SNX29: variants seen among roughly 807,000 people sequenced by gnomAD.
SNX29 encodes the protein sorting nexin 29.
Under a neutral mutation model 102.1 loss-of-function variants are expected in SNX29, and 78 were observed. The observed-to-expected ratio is 0.76, with a 90% confidence interval of 0.64 to 0.92. The LOEUF (loss-of-function observed/expected upper bound fraction) is 0.92. SNX29 is among the 40% of genes least tolerant of loss of function. SNX29 has a pLI of 0.00. For missense variants in SNX29, 1,280 were observed against 1,061.7 expected (o/e 1.21, Z -2.86); for synonymous variants, 580 against 414.5 (o/e 1.40, Z -4.85).
Position 12,572,214 on chromosome 16 carries a change from C to G in SNX29, c.*3585C>G. On this transcript the variant is annotated 3_prime_UTR_variant, in exon 21 of 21. Transcript: ENST00000566228. ...GCAGGTAGTATTGTGCTTTAAAAAC[C>G]AGAGGCTCCTGAAAGTCGTTTACAC... is the stretch of plus-strand genomic sequence containing the variant. 1.0e-6 allele frequency: 1 copy of G among 997,392 alleles called. No individual in the cohort carries two copies. Among genetic ancestry groups the G allele is most frequent in the Non-Finnish European group, 1.2e-6 (1 of 818,108 alleles). 61.8% of individuals were successfully genotyped at this position (997,392 alleles called of 1,614,324 possible).
At chr16:12,543,030 A>G (rs912692492) in intron 20 of SNX29, among the ~76,000 whole-genome samples, 2 of 152,204 alleles carry the variant, frequency 1.3e-5, no homozygotes, top group African/African-American at 4.8e-5. Flanking sequence ...GGCTGGATCC[A>G]GAGGCTCAAA....
intron 20 of SNX29, among the ~76,000 whole-genome samples, chr16:12,565,739 C>A (rs188010171): frequency 0.012 from 1,814 of 152,078 alleles, 152 homozygotes; most frequent in Admixed American, 0.1. Context: ...AGTCCACCCC[C>A]TCCCCATGGG....
chr16:12,040,889 C>T (rs933233626), intron 4 of SNX29, among the ~76,000 whole-genome samples: 1 of 152,224 alleles, frequency 6.6e-6, no homozygotes, highest in Non-Finnish European at 1.5e-5. Flanking sequence ...TCTCGGCTCT[C>T]TGCAACCTCC....
At chr16:12,064,819 G>C (rs928049354) in intron 9 of SNX29, among the ~76,000 whole-genome samples, 1 of 152,234 alleles carries the variant, frequency 6.6e-6, no homozygotes, top group South Asian at 2.1e-4. Context: ...CTTTTGCTCT[G>C]TTTCTGCCTT....
intron 15 of SNX29, among the ~76,000 whole-genome samples, chr16:12,338,450 C>T (rs1308528396): frequency 1.3e-5 from 2 of 152,178 alleles, no homozygotes; most frequent in African/African-American, 4.8e-5. Flanking sequence ...GGAAGCTCAT[C>T]CCCTCTTAGG....
At chr16:12,043,860 C>T (rs2049984021) in intron 5 of SNX29, among the ~76,000 whole-genome samples, 1 of 152,262 alleles carries the variant, frequency 6.6e-6, no homozygotes, top group South Asian at 2.1e-4. Flanking sequence ...TCGAGCGATT[C>T]TCCTGCCTCA....
intron 15 of SNX29, among the ~76,000 whole-genome samples, chr16:12,345,082 T>C (rs781742663): frequency 6.6e-6 from 1 of 152,174 alleles, no homozygotes; most frequent in Non-Finnish European, 1.5e-5. Context: ...GCAGCAGAAA[T>C]AAGCCCTACA....
At chr16:12,344,380 C>A (rs1321429521) in intron 15 of SNX29, among the ~76,000 whole-genome samples, 1 of 152,144 alleles carries the variant, frequency 6.6e-6, no homozygotes, top group African/African-American at 2.4e-5. Flanking sequence ...GACTAAACCT[C>A]CGTGAGCCTC....
intron 19 of SNX29, among the ~76,000 whole-genome samples, chr16:12,483,858 C>T (rs113464881): frequency 2.0e-5 from 3 of 152,206 alleles, no homozygotes; most frequent in African/African-American, 4.8e-5. Context: ...AAGCTGCTGC[C>T]TGGAAGTGAT....
In SNX29 at chr16:12,327,123, C is replaced by G. The variant is rs3852674; in HGVS notation, c.1783-29040C>G. On this transcript the variant is annotated intron_variant, in intron 15 of 20. Transcript: ENST00000566228. The stretch of plus-strand genomic sequence containing the variant: ...TATCCTGTTGGACAACCTCTGTCTT[C>G]CCCCTGTAAGTCAATAAAACAGTCC... Among the ~76,000 whole-genome samples the G allele has an allele frequency of 2.7e-3, 416 of 152,244 alleles. 2 individuals carry two copies. Among genetic ancestry groups the G allele is most frequent in the Non-Finnish European group, 3.2e-3 (218 of 67,988 alleles).
intron 16 of SNX29, chr16:12,372,961 A>G (rs1054253052): frequency 1.3e-5 from 2 of 152,204 alleles, no homozygotes; most frequent in African/African-American, 4.8e-5. Flanking sequence ...CTGTGCATGT[A>G]GTAGCAAGCA....
intron 14 of SNX29, among the ~76,000 whole-genome samples, chr16:12,270,946 G>A (rs947273500): frequency 4.6e-5 from 7 of 152,182 alleles, no homozygotes; most frequent in Non-Finnish European, 7.3e-5. Context: ...AAGAGGCTGA[G>A]GCAGGAGAAT....
intron 14 of SNX29, among the ~76,000 whole-genome samples, chr16:12,204,200 C>A (rs897407334): frequency 6.6e-6 from 1 of 152,184 alleles, no homozygotes; most frequent in Non-Finnish European, 1.5e-5. Flanking sequence ...GCCCCTGAAT[C>A]CAGCTGTGCC....
chr16:12,557,112 G>A (rs2078417451), intron 20 of SNX29, among the ~76,000 whole-genome samples: 1 of 150,094 alleles, frequency 6.7e-6, no homozygotes, highest in Non-Finnish European at 1.5e-5. Context: ...ACCTCCGAAA[G>A]TGCTGAGATT....
chr16:12,040,429 G>T (rs1048735312), intron 4 of SNX29, among the ~76,000 whole-genome samples: 37 of 152,112 alleles, frequency 2.4e-4, no homozygotes, highest in African/African-American at 8.9e-4. Context: ...TGTACATGTG[G>T]ATAAAAAGTA....
intron 17 of SNX29, among the ~76,000 whole-genome samples, chr16:12,400,451 G>A (rs2083895672): frequency 6.6e-6 from 1 of 152,180 alleles, no homozygotes; most frequent in African/African-American, 2.4e-5. Flanking sequence ...ATTGAGCCGG[G>A]TTTCAAACCC....
chr16:12,451,532 C>T (rs915641304), intron 18 of SNX29, among the ~76,000 whole-genome samples: 5 of 152,202 alleles, frequency 3.3e-5, no homozygotes, highest in African/African-American at 1.2e-4. Context: ...TTAGCATTAA[C>T]AGAAATAGGA....
At chr16:12,555,167 T>C (rs73510247) in intron 20 of SNX29, among the ~76,000 whole-genome samples, 20,577 of 151,648 alleles carry the variant, frequency 0.14, 2,854 homozygotes, top group African/African-American at 0.36. Context: ...GGGTCTGGCA[T>C]CAGTGGGGTT....
chr16:12,196,516 A>G (rs751108280), intron 13 of SNX29, among the ~76,000 whole-genome samples: 1 of 152,006 alleles, frequency 6.6e-6, no homozygotes, highest in African/African-American at 2.4e-5. Context: ...TTCCCACTTC[A>G]TAGCTAGCAA....
Sources: allele counts gnomAD v4.1 joint callset (sites outside exome capture counted in the v4.1 genomes callset), GRCh38; gene constraint gnomAD v4.1.1; transcripts MANE v1.5; gene names NCBI Gene and HGNC (gene_info 2026-07-23, HGNC 2026-07-21).